The following ISM1 variants were observed in gnomAD, a reference collection of about 807,000 sequenced individuals.
ISM1 encodes isthmin 1.
In ISM1, 25 loss-of-function variants were observed where a neutral mutation model predicts 46.3. That is an observed-to-expected ratio of 0.54 (90% CI 0.39 to 0.75). The LOEUF is 0.75. ISM1 is among the 30% of genes least tolerant of loss of function. The probability of loss-of-function intolerance (pLI) is 0.00; values close to 1 mark genes in which losing one functional copy is unlikely to be tolerated. For synonymous variants in ISM1, 255 were observed against 256.7 expected (o/e 0.99, Z 0.06); for missense variants, 536 against 625.4 (o/e 0.86, Z 1.52).
Position 13,299,586 on chromosome 20 carries a change from ATT to A in ISM1, c.*129_*130del. On this transcript the variant is annotated 3_prime_UTR_variant, in exon 6 of 6. Coordinates refer to ENST00000262487, the MANE Select transcript of ISM1 (RefSeq NM_080826.2). This position sits in a 1 kb window ranked among gnomAD's most constrained non-coding sequence, Gnocchi z 5.8. ...GTATATTTGTATATACCACATGAGT[ATT>A]TCTCATACATTACGCTAGGGGCGTG... 1 of 910,434 alleles carries A rather than the reference ATT, an allele frequency of 1.1e-6. No homozygotes were observed. Among genetic ancestry groups the A allele is most frequent in the South Asian group, 1.7e-5 (1 of 59,780 alleles). 56.4% of individuals were successfully genotyped at this position (910,434 alleles called of 1,614,324 possible).
intron 1 of ISM1, among the ~76,000 whole-genome samples, chr20:13,253,068 AG>A (rs2039885532): frequency 6.6e-6 from 1 of 152,146 alleles, no homozygotes; most frequent in South Asian, 2.1e-4. Flanking sequence ...ACACACAGCG[AG>A]GGAGAAATCA....
chr20:13,221,671 G>C lies in ISM1; in HGVS notation c.-106G>C. On this transcript the variant is annotated 5_prime_UTR_variant, in exon 1 of 6. Transcript: ENST00000262487. ...GCGGAGCCCTGGCGGGAGCCGAGGC[G>C]GGAGCCGCGCTGCCGGGCTCCCGGG... The C allele has an allele frequency of 2.0e-6, 2 of 1,016,094 alleles. No homozygotes were observed. Among genetic ancestry groups the C allele is most frequent in the Non-Finnish European group, 2.5e-6 (2 of 800,924 alleles). 62.9% of individuals were successfully genotyped at this position (1,016,094 alleles called of 1,614,324 possible).
intron 1 of ISM1, among the ~76,000 whole-genome samples, chr20:13,250,112 G>A (rs1481488911): frequency 6.6e-6 from 1 of 152,224 alleles, no homozygotes; most frequent in Admixed American, 6.5e-5. Context: ...GAAATCTGGA[G>A]ATGGAAAACT....
intron 1 of ISM1, among the ~76,000 whole-genome samples, chr20:13,223,733 C>A (rs138554773): frequency 7.5e-4 from 114 of 152,296 alleles, no homozygotes; most frequent in African/African-American, 2.6e-3. Flanking sequence ...GTTGAAGATG[C>A]CACCATCCTA....
downstream of ISM1, among the ~76,000 whole-genome samples, chr20:13,301,824 G>C (rs1421718007): frequency 2.0e-5 from 3 of 152,070 alleles, no homozygotes; most frequent in East Asian, 3.9e-4. Context: ...TGGGTGATCA[G>C]GAGAGACAAA....
intron 1 of ISM1, among the ~76,000 whole-genome samples, chr20:13,224,749 G>C (rs1406325719): frequency 1.3e-5 from 2 of 151,350 alleles, no homozygotes; most frequent in Admixed American, 1.3e-4. Flanking sequence ...TAAAGTAGTA[G>C]TAAGAAAAGC....
At chr20:13,288,281 C>T (rs1254663406) in intron 3 of ISM1, among the ~76,000 whole-genome samples, 2 of 152,166 alleles carry the variant, frequency 1.3e-5, no homozygotes, top group Non-Finnish European at 2.9e-5. Flanking sequence ...CAAATGTATG[C>T]ATTCTCAGTA....
At chr20:13,267,500 A>C (rs1469581106) in intron 1 of ISM1, among the ~76,000 whole-genome samples, 1 of 152,132 alleles carries the variant, frequency 6.6e-6, no homozygotes, top group African/African-American at 2.4e-5. Context: ...TATCTTGACT[A>C]ATCCTGCGGG....
At chr20:13,268,408 G>T (rs1424091439) in intron 1 of ISM1, among the ~76,000 whole-genome samples, 4 of 110,676 alleles carry the variant, frequency 3.6e-5, no homozygotes, top group Admixed American at 1.3e-4. Context: ...CTCTCTCCAT[G>T]CTAGGTTCAA....
At chr20:13,306,437 C>T in the ISM1 span, among the ~76,000 whole-genome samples, 5 of 151,842 alleles carry the variant, frequency 3.3e-5, no homozygotes, top group African/African-American at 4.8e-5. Context: ...ATTAGACATG[C>T]GGTTTTGCTT....
intron 2 of ISM1, among the ~76,000 whole-genome samples, chr20:13,272,017 G>A (rs1051183582): frequency 2.0e-5 from 3 of 152,076 alleles, no homozygotes; most frequent in South Asian, 4.2e-4. Flanking sequence ...GGGCTCAAGC[G>A]ATCCCCCTGC....
chr20:13,307,467 T>C, the ISM1 span, among the ~76,000 whole-genome samples: 1 of 152,192 alleles, frequency 6.6e-6, no homozygotes, highest in Non-Finnish European at 1.5e-5. Context: ...ATATATTGTG[T>C]GGTTTGATTG....
At chr20:13,233,595 CAAAAA>C (rs1183584907) in intron 1 of ISM1, among the ~76,000 whole-genome samples, 1 of 63,728 alleles carries the variant, frequency 1.6e-5, no homozygotes. Flanking sequence ...AACTCCATCT[CAAAAA>C]AAAAAAAAAA....
intron 1 of ISM1, among the ~76,000 whole-genome samples, chr20:13,225,033 T>A (rs1004888428): frequency 6.6e-6 from 1 of 151,072 alleles, no homozygotes; most frequent in East Asian, 1.9e-4. Context: ...TTTTGTATTT[T>A]TAGTAGAGAC....
At chr20:13,256,257 G>A (rs529019114) in intron 1 of ISM1, among the ~76,000 whole-genome samples, 7 of 152,090 alleles carry the variant, frequency 4.6e-5, no homozygotes, top group South Asian at 2.1e-4. Flanking sequence ...TTAGCCAGGC[G>A]TGGTGGCGGG....
chr20:13,229,655 G>A (rs1158999917), intron 1 of ISM1, among the ~76,000 whole-genome samples: 2 of 152,130 alleles, frequency 1.3e-5, no homozygotes, highest in Non-Finnish European at 2.9e-5. Context: ...GTGGACCTAT[G>A]TTTTCATTTC....
At chr20:13,257,302 G>A (rs938063254) in intron 1 of ISM1, among the ~76,000 whole-genome samples, 3 of 152,174 alleles carry the variant, frequency 2.0e-5, no homozygotes, top group Non-Finnish European at 4.4e-5. Context: ...ATCATCTGAG[G>A]TCAGGAGTTT....
chr20:13,227,280 T>C (rs1351013831), intron 1 of ISM1, among the ~76,000 whole-genome samples: 1 of 152,090 alleles, frequency 6.6e-6, no homozygotes, highest in East Asian at 1.9e-4. Flanking sequence ...CTTGGCTCAC[T>C]GCAAGCTCCA....
At chr20:13,298,845 G>T in intron 5 of ISM1, 97 bp from the exon 6 acceptor site, 1 of 1,249,486 alleles carries the variant, frequency 8.0e-7, no homozygotes. Flanking sequence ...TCCTCCTGCG[G>T]GCCCTCAGGA....
Sources: allele counts gnomAD v4.1 joint callset (sites outside exome capture counted in the v4.1 genomes callset), GRCh38; gene constraint gnomAD v4.1.1; non-coding constraint Gnocchi (gnomAD v3.1); transcripts MANE v1.5; gene names NCBI Gene and HGNC (gene_info 2026-07-23, HGNC 2026-07-21).